Variants in LARGE1 observed in about 807,000 individuals in gnomAD.
The protein encoded by LARGE1 is xylosyl- and glucuronyltransferase LARGE1.
Under a neutral mutation model 87.6 loss-of-function variants are expected in LARGE1, and 43 were observed. The observed-to-expected ratio is 0.49, with a 90% CI of 0.38 to 0.63. The LOEUF (loss-of-function observed/expected upper bound fraction) is 0.63. Among genes scored for constraint, LARGE1 ranks in the 30% least tolerant of loss-of-function variants. The pLI, the probability that LARGE1 is intolerant of heterozygous loss-of-function variation, is 0.00. For synonymous variants in LARGE1, 434 were observed against 394.6 expected (o/e 1.10, Z -1.18); for missense variants, 802 against 1,000.2 (o/e 0.80, Z 2.67).
At chr22:33,277,706 G>A (rs377327373) in intron 13 of LARGE1, among the ~76,000 whole-genome samples, 3 of 152,248 alleles carry the variant, frequency 2.0e-5, no homozygotes, top group South Asian at 2.1e-4. Flanking sequence ...TTGGACTTCC[G>A]GCCTCCAGAA....
At chr22:33,115,138 C>G in the LARGE1 span, among the ~76,000 whole-genome samples, 1 of 152,144 alleles carries the variant, frequency 6.6e-6, no homozygotes, top group Non-Finnish European at 1.5e-5. Flanking sequence ...GTGCCTCTCA[C>G]CCACCCAAAT....
rs58142472 is a variant in LARGE1, at chr22:33,662,031, T to C, written c.107-11363A>G. ...GGCCACACTGGAAGAAGAATTGTCT[T>C]GGGCCACACATAAAAAACACTAACA... On this transcript the variant is annotated intron_variant, in intron 2 of 14. Transcript: ENST00000397394. 6.6e-3 allele frequency among the ~76,000 whole-genome samples: 845 copies of C among 128,574 alleles called. 10 individuals carry two copies. The highest frequency in any genetic ancestry group is 0.024 in the African/African-American group (807 of 34,066). 84.3% of individuals were successfully genotyped at this position (128,574 alleles called of 152,430 possible).
In LARGE1 at chr22:33,695,253, G is replaced by A. The variant is rs751512046; in HGVS notation, c.107-44585C>T. 2.7e-4 allele frequency among the ~76,000 whole-genome samples: 41 copies of A among 151,634 alleles called. 1 individual carries two copies. Among genetic ancestry groups the A allele is most frequent in the Admixed American group, 2.2e-3 (33 of 15,220 alleles). On this transcript the variant is annotated intron_variant, in intron 2 of 14. Coordinates refer to ENST00000397394, the MANE Select transcript of LARGE1 (RefSeq NM_133642.5). ...CGAGAAGCTAGGATTACAGGCGCAC[G>A]CCACCATACCCTGCTAATTTTTCTA...
At chr22:33,547,878 G>A (rs572724335) in intron 6 of LARGE1, among the ~76,000 whole-genome samples, 1 of 150,180 alleles carries the variant, frequency 6.7e-6, no homozygotes, top group Admixed American at 6.6e-5. Context: ...AGGCTATAGG[G>A]TATATCAGAA....
At chr22:33,286,785 A>C (rs1423825606) in intron 12 of LARGE1, among the ~76,000 whole-genome samples, 1 of 152,234 alleles carries the variant, frequency 6.6e-6, no homozygotes, top group Non-Finnish European at 1.5e-5. Flanking sequence ...GTTTGTATCT[A>C]TATAAGGATC....
chr22:33,342,607 G>T (rs375892625), intron 9 of LARGE1, among the ~76,000 whole-genome samples: 1 of 152,278 alleles, frequency 6.6e-6, no homozygotes. Context: ...ACAGAGAAAT[G>T]AGTCTGCCCA....
At chr22:33,185,638 CTG>C (rs1233494163) in intron 11 of LARGE1, among the ~76,000 whole-genome samples, 2 of 152,176 alleles carry the variant, frequency 1.3e-5, no homozygotes, top group South Asian at 4.2e-4. Flanking sequence ...AGGGAAGAGT[CTG>C]TGCGTGTGTG....
At chr22:33,334,613 T>C (rs973244575) in intron 10 of LARGE1, among the ~76,000 whole-genome samples, 1 of 152,030 alleles carries the variant, frequency 6.6e-6, no homozygotes, top group African/African-American at 2.4e-5. Context: ...GAGCCCAGAA[T>C]GTAGAAAGCA....
At chr22:33,201,065 T>C (rs1486542003) in intron 11 of LARGE1, among the ~76,000 whole-genome samples, 1 of 152,080 alleles carries the variant, frequency 6.6e-6, no homozygotes, top group Non-Finnish European at 1.5e-5. Flanking sequence ...TTCCAGCACT[T>C]TGGGAGGCCG....
intron 5 of LARGE1, among the ~76,000 whole-genome samples, chr22:33,600,933 T>C (rs1169591823): frequency 6.6e-6 from 1 of 152,034 alleles, no homozygotes; most frequent in Non-Finnish European, 1.5e-5. Flanking sequence ...GGCCTGGTAG[T>C]GCACGCCTAT....
At chr22:33,561,286 G>A (rs1185595551) in intron 6 of LARGE1, among the ~76,000 whole-genome samples, 1 of 152,126 alleles carries the variant, frequency 6.6e-6, no homozygotes, top group African/African-American at 2.4e-5. Context: ...AGAACCAGGG[G>A]CTGCCCCAGG....
At chr22:33,241,898 G>A (rs1210120900) in intron 11 of LARGE1, among the ~76,000 whole-genome samples, 1 of 152,068 alleles carries the variant, frequency 6.6e-6, no homozygotes, top group Non-Finnish European at 1.5e-5. Context: ...AGGGTAGAAA[G>A]TTTCATTTAG....
chr22:33,441,237 C>T (rs1321690880), intron 6 of LARGE1, among the ~76,000 whole-genome samples: 1 of 151,746 alleles, frequency 6.6e-6, no homozygotes, highest in Non-Finnish European at 1.5e-5. Context: ...CCATGCCCAG[C>T]TAATTTTTGT....
At chr22:33,716,300 G>A (rs927403971) in intron 2 of LARGE1, among the ~76,000 whole-genome samples, 3 of 152,182 alleles carry the variant, frequency 2.0e-5, no homozygotes, top group African/African-American at 7.2e-5. Flanking sequence ...CATTGTTTAT[G>A]TGAAATTCCA....
At chr22:33,639,644 G>A (rs533194359) in intron 3 of LARGE1, among the ~76,000 whole-genome samples, 1 of 152,310 alleles carries the variant, frequency 6.6e-6, no homozygotes, top group South Asian at 2.1e-4. Context: ...GCAAAGGAAA[G>A]TCTCCTGTTC....
At chr22:33,244,471 G>C (rs181492926) in intron 11 of LARGE1, among the ~76,000 whole-genome samples, 100 of 152,212 alleles carry the variant, frequency 6.6e-4, no homozygotes, top group African/African-American at 2.3e-3. Flanking sequence ...GACTTTTTAT[G>C]CTCCCTGAAC....
intron 2 of LARGE1, among the ~76,000 whole-genome samples, chr22:33,747,997 T>C (rs2084156650): frequency 8.9e-6 from 1 of 112,864 alleles, no homozygotes; most frequent in Non-Finnish European, 1.6e-5. Context: ...GTGCCAGAAA[T>C]GGGGCACTGT....
At chr22:33,126,989 TCTC>T in the LARGE1 span, among the ~76,000 whole-genome samples, 4 of 152,320 alleles carry the variant, frequency 2.6e-5, no homozygotes, top group Non-Finnish European at 4.4e-5. Flanking sequence ...AGCTCTCTCT[TCTC>T]CTTCTTTGCA....
chr22:33,416,109 T>C (rs994804010), intron 7 of LARGE1, among the ~76,000 whole-genome samples: 2 of 152,126 alleles, frequency 1.3e-5, no homozygotes, highest in Non-Finnish European at 2.9e-5. Context: ...ATCTTCTAGG[T>C]GAGGAAAGTC....
Sources: gnomAD v4.1 joint callset for allele counts (sites outside exome capture counted in the v4.1 genomes callset) on GRCh38, gnomAD v4.1.1 for gene constraint, MANE v1.5 for transcripts, NCBI Gene and HGNC (gene_info 2026-07-23, HGNC 2026-07-21) for gene names.